Variants in KAZN observed in about 807,000 individuals in gnomAD.
The protein encoded by KAZN is kazrin, periplakin interacting protein.
KAZN carries 40 observed loss-of-function variants against 87.4 expected under a neutral mutation model. The observed-to-expected ratio is 0.46, with a 90% CI of 0.36 to 0.60. KAZN has a LOEUF of 0.60. Among genes scored for constraint, KAZN ranks in the 20% least tolerant of loss-of-function variants. The probability of loss-of-function intolerance (pLI) is 0.00; values close to 1 mark genes in which losing one functional copy is unlikely to be tolerated. For synonymous variants in KAZN, 466 were observed against 458.3 expected (o/e 1.02, Z -0.22); for missense variants, 898 against 1,073.9 (o/e 0.84, Z 2.29).
intron 1 of KAZN, among the ~76,000 whole-genome samples, chr1:13,944,703 T>C (rs1641069171): frequency 6.6e-6 from 1 of 152,174 alleles, no homozygotes; most frequent in Non-Finnish European, 1.5e-5. Context: ...ATTATCTCTA[T>C]GGTAACCACT....
At chr1:14,489,773 G>T (rs1421778368) in intron 2 of KAZN, among the ~76,000 whole-genome samples, 26 of 120,620 alleles carry the variant, frequency 2.2e-4, no homozygotes, top group African/African-American at 7.6e-4. Context: ...TAATAATAAT[G>T]AATACACTGT....
intron 1 of KAZN, among the ~76,000 whole-genome samples, chr1:14,605,748 AT>A (rs1297142370): frequency 2.6e-5 from 4 of 152,232 alleles, no homozygotes; most frequent in African/African-American, 4.8e-5. Context: ...GAAAATTCAC[AT>A]ATAAGTGGAC....
chr1:14,998,674 G>A lies in KAZN; in HGVS notation c.419-36075G>A, dbSNP rs10449294. On this transcript the variant is annotated intron_variant, in intron 2 of 14. Coordinates refer to ENST00000376030, the MANE Select transcript of KAZN (RefSeq NM_201628.3). ...AGCCATTCTCCTGCCTCAACCTCCC[G>A]AGTAGCTGGGATTACAGGCGTGCAC... Among the ~76,000 whole-genome samples, 578 of 152,152 alleles carry A rather than the reference G, an allele frequency of 3.8e-3. 4 individuals carry two copies. The highest frequency in any genetic ancestry group is 0.013 in the African/African-American group (554 of 41,498).
intron 1 of KAZN, among the ~76,000 whole-genome samples, chr1:14,737,617 C>G (rs542310676): frequency 2.0e-5 from 3 of 152,356 alleles, no homozygotes; most frequent in South Asian, 2.1e-4. Context: ...CATGGCTGAA[C>G]TGGGCTCTCT....
intron 2 of KAZN, among the ~76,000 whole-genome samples, chr1:14,982,678 G>A (rs1410730183): frequency 6.6e-6 from 1 of 152,114 alleles, no homozygotes; most frequent in East Asian, 1.9e-4. Context: ...ACTCACCTTG[G>A]CCTCCCAAAG....
At chr1:14,297,667 C>T (rs1055831133) in intron 2 of KAZN, among the ~76,000 whole-genome samples, 2 of 152,154 alleles carry the variant, frequency 1.3e-5, no homozygotes, top group Non-Finnish European at 2.9e-5. Flanking sequence ...TGTGTCACTG[C>T]CCCCTCCCCA....
chr1:14,711,405 G>A (rs12083956), intron 1 of KAZN, among the ~76,000 whole-genome samples: 2 of 152,202 alleles, frequency 1.3e-5, no homozygotes, highest in South Asian at 4.1e-4. Context: ...TTTGGGGATG[G>A]TCACATTTCG....
At chr1:14,577,190 A>T (rs1443802127) in intron 2 of KAZN, among the ~76,000 whole-genome samples, 6 of 152,260 alleles carry the variant, frequency 3.9e-5, no homozygotes, top group Non-Finnish European at 7.3e-5. Context: ...TTCTGAGAGC[A>T]TAAAATACAT....
intron 2 of KAZN, among the ~76,000 whole-genome samples, chr1:15,000,153 T>G (rs1668318458): frequency 6.6e-6 from 1 of 151,502 alleles, no homozygotes; most frequent in Admixed American, 6.6e-5. Context: ...GATGTGAGAC[T>G]GGAAAAAGGT....
intron 1 of KAZN, among the ~76,000 whole-genome samples, chr1:14,174,095 T>C (rs1467573861): frequency 2.0e-5 from 3 of 152,216 alleles, no homozygotes; most frequent in African/African-American, 7.2e-5. Flanking sequence ...TTTCAATGGG[T>C]GTGAAGCACT....
At position 15,033,401 on chromosome 1, in the gene KAZN, G is replaced by A. The variant is rs866157607; in HGVS notation, c.419-1348G>A. Among the ~76,000 whole-genome samples, 3 of 152,184 alleles carry A rather than the reference G, an allele frequency of 2.0e-5. No individual in the cohort carries two copies. In the South Asian group the frequency reaches 6.2e-4, roughly 31 times the overall value. On this transcript the variant is annotated intron_variant, in intron 2 of 14. Transcript: ENST00000376030. ...ACATTTGCATATAAGTTTTTGTGTA[G>A]ACATATGTTTTCATAGCTCTTGGAT...
At chr1:14,527,417 C>T (rs999279621) in intron 2 of KAZN, among the ~76,000 whole-genome samples, 2 of 151,890 alleles carry the variant, frequency 1.3e-5, no homozygotes, top group Non-Finnish European at 1.5e-5. Flanking sequence ...GGCGTGGTGG[C>T]GGGCACCTGT....
chr1:14,742,603 T>C (rs76729422), intron 1 of KAZN, among the ~76,000 whole-genome samples: 4,819 of 152,326 alleles, frequency 0.032, 99 homozygotes, highest in South Asian at 0.071. Context: ...TTTCTCTCCC[T>C]GTGCTTTTTC....
chr1:14,400,661 G>A (rs927568121), intron 2 of KAZN, among the ~76,000 whole-genome samples: 3 of 152,180 alleles, frequency 2.0e-5, no homozygotes, highest in Admixed American at 6.5e-5. Flanking sequence ...TAATAAGTAT[G>A]TAATGTGGAA....
At chr1:14,152,699 T>C (rs979843267) in intron 1 of KAZN, among the ~76,000 whole-genome samples, 9 of 152,238 alleles carry the variant, frequency 5.9e-5, no homozygotes, top group African/African-American at 2.2e-4. Context: ...CTTTTGGGTA[T>C]GTACCTAGGA....
chr1:14,299,693 C>T (rs182393086), intron 2 of KAZN, among the ~76,000 whole-genome samples: 218 of 152,306 alleles, frequency 1.4e-3, no homozygotes, highest in Middle Eastern at 6.8e-3. Flanking sequence ...TCCCATCCTC[C>T]TTAGCTGGCG....
chr1:14,357,210 T>C (rs573001159), intron 2 of KAZN, among the ~76,000 whole-genome samples: 1 of 150,716 alleles, frequency 6.6e-6, no homozygotes, highest in South Asian at 2.1e-4. Flanking sequence ...CACTCATGAT[T>C]TGGCTCTCTG....
At chr1:14,324,072 A>G (rs927542776) in intron 2 of KAZN, among the ~76,000 whole-genome samples, 12 of 152,110 alleles carry the variant, frequency 7.9e-5, no homozygotes, top group African/African-American at 2.9e-4. Context: ...CCCTAATTGC[A>G]TTCTGTTTTC....
intron 1 of KAZN, among the ~76,000 whole-genome samples, chr1:14,648,105 C>T (rs1680945968): frequency 6.6e-6 from 1 of 152,168 alleles, no homozygotes; most frequent in South Asian, 2.1e-4. Context: ...AGAAAATATG[C>T]TTAAGCCAAA....
Sources: allele counts gnomAD v4.1 joint callset (sites outside exome capture counted in the v4.1 genomes callset), GRCh38; gene constraint gnomAD v4.1.1; transcripts MANE v1.5; gene names NCBI Gene and HGNC (gene_info 2026-07-23, HGNC 2026-07-21).